Variants in ATP13A4 observed in about 807,000 individuals in gnomAD.
ATP13A4 encodes the protein ATPase 13A4.
Under a neutral mutation model 142.5 loss-of-function variants are expected in ATP13A4, and 114 were observed. That is an observed-to-expected ratio of 0.80 (90% confidence interval 0.69 to 0.93). ATP13A4 has a LOEUF of 0.93. Ranked by LOEUF, ATP13A4 falls within the 40% of genes least tolerant of loss-of-function variation. ATP13A4 has a pLI of 0.00. For missense variants in ATP13A4, 1,392 were observed against 1,454.0 expected (o/e 0.96, Z 0.69); for synonymous variants, 488 against 514.8 (o/e 0.95, Z 0.70).
At chr3:193,422,245 A>G (rs1226836038) in intron 25 of ATP13A4, among the ~76,000 whole-genome samples, 1 of 149,928 alleles carries the variant, frequency 6.7e-6, no homozygotes, top group Non-Finnish European at 1.5e-5. Context: ...AATGTTAATG[A>G]ACACAAAAGG....
rs114484532 is a variant in ATP13A4, at chr3:193,477,698, C to A, written c.808+6238G>T. Among the ~76,000 whole-genome samples, 297 of 152,144 alleles carry A rather than the reference C, an allele frequency of 2.0e-3. 6 individuals carry two copies. Among genetic ancestry groups the A allele is most frequent in the African/African-American group, 6.2e-3 (259 of 41,448 alleles). On this transcript the variant is annotated intron_variant, in intron 8 of 29. Transcript: ENST00000342695. ...AAGCCACTATGCAGAGAAGGGAAACCAGACCAAGTCCAGATGACTACTGAG... is the reference window on the plus strand; with the variant it reads ...AAGCCACTATGCAGAGAAGGGAAACAAGACCAAGTCCAGATGACTACTGAG...
chr3:193,407,073 A>T (rs150570395), intron 29 of ATP13A4, among the ~76,000 whole-genome samples: 360 of 152,294 alleles, frequency 2.4e-3, no homozygotes, highest in African/African-American at 8.4e-3. Flanking sequence ...TGTAGAAATG[A>T]ACAGGACCTT....
chr3:193,499,264 A>G (rs1332138336), intron 3 of ATP13A4, among the ~76,000 whole-genome samples: 1 of 152,218 alleles, frequency 6.6e-6, no homozygotes, highest in Non-Finnish European at 1.5e-5. Context: ...TCTCTCTCTA[A>G]TTTGCAGATT....
intron 17 of ATP13A4, among the ~76,000 whole-genome samples, chr3:193,450,489 G>T (rs1717213147): frequency 6.6e-6 from 1 of 152,206 alleles, no homozygotes; most frequent in Non-Finnish European, 1.5e-5. Flanking sequence ...ACTGGGAAAA[G>T]TATTAAAACA....
At chr3:193,571,872 T>A (rs1243806564) in intron 2 of ATP13A4, among the ~76,000 whole-genome samples, 1 of 151,824 alleles carries the variant, frequency 6.6e-6, no homozygotes, top group African/African-American at 2.4e-5. Context: ...ATAATAATAA[T>A]AAAAAGGACG....
chr3:193,504,425 T>C (rs1469792427), intron 2 of ATP13A4, among the ~76,000 whole-genome samples: 1 of 152,234 alleles, frequency 6.6e-6, no homozygotes, highest in Non-Finnish European at 1.5e-5. Flanking sequence ...TAATATTTAT[T>C]TCACACTTAT....
intron 1 of ATP13A4, 65 bp downstream of exon 1, chr3:193,554,653 CGTGTGTGTGTGTGTGTGTGTGT>C (rs58073069): frequency 1.6e-6 from 2 of 1,229,612 alleles, no homozygotes; most frequent in African/African-American, 1.5e-5. Context: ...GTGATGCGTG[CGTGTGTGTGTGTGTGTGTGTGT>C]GTGTGTGTGT....
chr3:193,415,233 GAAC>G (rs1226059968), intron 25 of ATP13A4, among the ~76,000 whole-genome samples: 2 of 152,088 alleles, frequency 1.3e-5, no homozygotes, highest in African/African-American at 4.8e-5. Context: ...CTATACAATG[GAAC>G]AACATGTAGT....
intron 8 of ATP13A4, among the ~76,000 whole-genome samples, chr3:193,474,322 C>CAA (rs1176133187): frequency 0.017 from 1,186 of 68,772 alleles, 23 homozygotes; most frequent in Non-Finnish European, 0.023. Flanking sequence ...GACTCCGTCT[C>CAA]AAAAAAAAAA....
In ATP13A4 at chr3:193,411,078, A is replaced by C. The variant is rs1560168931; in HGVS notation, c.3209-8T>G. On this transcript the variant is annotated splice_region_variant and splice_polypyrimidine_tract_variant and intron_variant, in intron 27 of 29. Transcript: ENST00000342695. The stretch of plus-strand genomic sequence containing the variant: ...GCACAAGGACAAATATATCTGAGGA[A>C]ATAAGAACACAAGGTATTATTTTGA... 4 of 1,571,402 alleles carry C rather than the reference A, an allele frequency of 2.5e-6. No homozygotes were observed. The highest frequency in any genetic ancestry group is 2.6e-6 in the Non-Finnish European group (3 of 1,141,236).
chr3:193,406,235 T>C (rs904122019), intron 29 of ATP13A4, among the ~76,000 whole-genome samples: 1 of 152,150 alleles, frequency 6.6e-6, no homozygotes, highest in Non-Finnish European at 1.5e-5. Flanking sequence ...GAAGTTCCAG[T>C]ACTGAAATTC....
chr3:193,515,916 T>C (rs115517222), intron 1 of ATP13A4, among the ~76,000 whole-genome samples: 3,532 of 152,306 alleles, frequency 0.023, 153 homozygotes, highest in African/African-American at 0.082. Flanking sequence ...ACTGGGCGTG[T>C]GATTTTTCAG....
At chr3:193,506,505 T>A (rs1455188722) in intron 2 of ATP13A4, among the ~76,000 whole-genome samples, 1 of 152,180 alleles carries the variant, frequency 6.6e-6, no homozygotes, top group East Asian at 1.9e-4. Flanking sequence ...ACCTGGACAT[T>A]TTTTATTTCC....
chr3:193,491,524 T>C, intron 5 of ATP13A4, 126 bp from the exon 6 acceptor site: 1 of 752,242 alleles, frequency 1.3e-6, no homozygotes, highest in Non-Finnish European at 2.3e-6. Flanking sequence ...AAGTCTCCCT[T>C]GTTAAATACC....
chr3:193,440,440 C>T, intron 21 of ATP13A4, 118 bp downstream of exon 21: 2 of 1,539,332 alleles, frequency 1.3e-6, no homozygotes, highest in Non-Finnish European at 1.8e-6. Flanking sequence ...TTATCTCATG[C>T]AGCCGAAGTA....
chr3:193,528,486 G>C (rs1296392897), intron 1 of ATP13A4, among the ~76,000 whole-genome samples: 1 of 152,178 alleles, frequency 6.6e-6, no homozygotes, highest in Non-Finnish European at 1.5e-5. Context: ...TGGAAATGGT[G>C]ACATTAGAAT....
In ATP13A4 at chr3:193,466,509, CAT is replaced by C. The variant is rs570618239; in HGVS notation, c.1115-329_1115-328del. Among the ~76,000 whole-genome samples the C allele has an allele frequency of 6.1e-3, 931 of 152,328 alleles. 12 individuals are homozygous for C. The highest frequency in any genetic ancestry group is 0.046 in the South Asian group (223 of 4,826). ...TGACTCAAACGTGTGCACGCACACA[CAT>C]GTCACTGAATTGAAATTAAGTGGTC... On this transcript the variant is annotated intron_variant, in intron 10 of 29. Transcript: ENST00000342695.
intron 2 of ATP13A4, among the ~76,000 whole-genome samples, chr3:193,509,163 G>C (rs921192675): frequency 1.3e-5 from 2 of 152,174 alleles, no homozygotes; most frequent in African/African-American, 4.8e-5. Flanking sequence ...CTCTCCATGT[G>C]CCTGCCCCCA....
At position 193,577,375 on chromosome 3, in the gene ATP13A4, T is replaced by G. The variant is rs538471176; in HGVS notation, n.291+4332A>C. ...GGTTTTCTTTCTTCTGCACCTTTAC[T>G]CTTACCATTCTTTCTTCTGAGATGC... On this transcript the variant is annotated intron_variant and non_coding_transcript_variant, in intron 2 of 3. Coordinates refer to the ATP13A4 transcript ENST00000489140. Among the ~76,000 whole-genome samples, 15 of 152,326 alleles carry G rather than the reference T, an allele frequency of 9.8e-5. 1 individual carries two copies. The South Asian group carries it at 3.1e-3, about 32-fold the overall frequency.
Sources: allele counts gnomAD v4.1 joint callset (sites outside exome capture counted in the v4.1 genomes callset), GRCh38; gene constraint gnomAD v4.1.1; transcripts MANE v1.5; gene names NCBI Gene and HGNC (gene_info 2026-07-23, HGNC 2026-07-21).